Variants in ERP27 observed in about 807,000 individuals in gnomAD.
ERP27 encodes endoplasmic reticulum protein 27.
A neutral mutation model predicts 27.7 loss-of-function variants in ERP27; 23 were observed. The ratio of observed to expected loss-of-function variants is 0.83; its 90% CI spans 0.60 to 1.18. The LOEUF is 1.18. Ranked by LOEUF, ERP27 falls within the 50% of genes most tolerant of loss-of-function variation. The pLI is 0.00. For synonymous variants in ERP27, 159 were observed against 118.3 expected (o/e 1.34, Z -2.23); for missense variants, 363 against 327.9 (o/e 1.11, Z -0.83).
intron 4 of ERP27, 48 bp from the exon 5 acceptor site, chr12:14,917,351 C>T: frequency 6.2e-7 from 1 of 1,612,752 alleles, no homozygotes; most frequent in Non-Finnish European, 8.5e-7. Flanking sequence ...AGAAAGAATG[C>T]ATTAGTACCT....
chr12:14,917,375 T>C, intron 4 of ERP27, 72 bp from the exon 5 acceptor site: 5 of 1,570,888 alleles, frequency 3.2e-6, no homozygotes, highest in African/African-American at 1.3e-5. Context: ...AAGGAGTGAA[T>C]AGGTAGATTG....
chr12:14,931,363 CAAAAAA>C (rs60215173), intron 3 of ERP27, among the ~76,000 whole-genome samples: 5 of 129,466 alleles, frequency 3.9e-5, no homozygotes, highest in Admixed American at 2.3e-4. Flanking sequence ...GTTCCCTTTT[CAAAAAA>C]AAAAAAAAAA....
intron 3 of ERP27, among the ~76,000 whole-genome samples, chr12:14,927,779 TACAC>T (rs1863629071): frequency 7.0e-6 from 1 of 142,982 alleles, no homozygotes; most frequent in Non-Finnish European, 1.5e-5. Flanking sequence ...CACACACACT[TACAC>T]ACACATTCAT....
chr12:14,935,277 T>C (rs528372676), intron 2 of ERP27: 13 of 402,320 alleles, frequency 3.2e-5, no homozygotes, highest in Admixed American at 2.6e-4. Flanking sequence ...GAGAGAGGCC[T>C]CAAAATCATA....
At chr12:14,923,055 C>T (rs1182066570) in intron 3 of ERP27, among the ~76,000 whole-genome samples, 5 of 132,922 alleles carry the variant, frequency 3.8e-5, no homozygotes, top group African/African-American at 1.5e-4. Context: ...GCCTGGGTGG[C>T]AGAGTGGAAC....
rs1045230386 is a variant in ERP27, at chr12:14,917,194, T to G, written c.560A>C (p.Lys187Thr). The change falls in exon 5 of 7, where the codon AAG becomes ACG. Residue 187 changes from lysine to threonine, a missense_variant. Physicochemically the swap from Lys to Thr is moderately conservative, Grantham distance 78. Transcript: ENST00000266397. ...TTGCCTTACCTTCCCCTGGAAGAGC[T>G]TGGCTGCCTTCTGGTATCTGTGCAT... ...ENMHRYQKAAKLFQGKILFIL... is the reference protein window; with the variant it reads ...ENMHRYQKAATLFQGKILFIL... 6.2e-7 allele frequency: 1 copy of G among 1,614,172 alleles called. No homozygotes were observed. Among genetic ancestry groups the G allele is most frequent in the Admixed American group, 1.7e-5 (1 of 60,022 alleles).
intron 3 of ERP27, among the ~76,000 whole-genome samples, chr12:14,930,358 A>G (rs2043476251): frequency 6.6e-6 from 1 of 152,244 alleles, no homozygotes; most frequent in Admixed American, 6.5e-5. Context: ...GGATGACTGC[A>G]CTGTGTTTTC....
At chr12:14,920,075 T>G (rs925687350) in intron 4 of ERP27, among the ~76,000 whole-genome samples, 1 of 152,354 alleles carries the variant, frequency 6.6e-6, no homozygotes, top group South Asian at 2.1e-4. Flanking sequence ...TTTGAGCTGA[T>G]GTAGATCACT....
intron 5 of ERP27, among the ~76,000 whole-genome samples, chr12:14,916,720 T>C (rs1446069573): frequency 1.3e-5 from 2 of 152,082 alleles, no homozygotes; most frequent in East Asian, 1.9e-4. Flanking sequence ...GTTTTACTAT[T>C]TCAGTAATAT....
At chr12:14,918,079 G>A (rs747492883) in intron 4 of ERP27, among the ~76,000 whole-genome samples, 5 of 152,180 alleles carry the variant, frequency 3.3e-5, no homozygotes, top group Non-Finnish European at 7.3e-5. Flanking sequence ...TGTTCATTAC[G>A]TGGAAGGCAC....
chr12:14,924,467 A>G (rs1246624152), intron 3 of ERP27, among the ~76,000 whole-genome samples: 1 of 152,200 alleles, frequency 6.6e-6, no homozygotes, highest in Non-Finnish European at 1.5e-5. Flanking sequence ...TGTTTTCCAT[A>G]ATGGCTATAC....
chr12:14,922,525 C>CTTTGTTGGTTCTATAATATATATATT (rs1863520930), intron 3 of ERP27, among the ~76,000 whole-genome samples: 2 of 151,712 alleles, frequency 1.3e-5, no homozygotes, highest in Non-Finnish European at 2.9e-5. Flanking sequence ...GATATGAGTC[C>CTTTGTTGGTTCTATAATATATATATT]TTTGTTGGTT....
At chr12:14,935,061 A>G in intron 2 of ERP27, 68 bp from the exon 3 acceptor site, 1 of 1,557,960 alleles carries the variant, frequency 6.4e-7, no homozygotes, top group Non-Finnish European at 8.7e-7. Flanking sequence ...GATAGGCAAA[A>G]GAAATATGAT....
At chr12:14,933,183 C>T (rs1863722256) in intron 3 of ERP27, among the ~76,000 whole-genome samples, 1 of 152,138 alleles carries the variant, frequency 6.6e-6, no homozygotes, top group Admixed American at 6.5e-5. Flanking sequence ...TGTGGATACA[C>T]TGAACAGAAC....
At chr12:14,923,500 T>TATCC (rs1371069577) in intron 3 of ERP27, among the ~76,000 whole-genome samples, 1 of 150,662 alleles carries the variant, frequency 6.6e-6, no homozygotes, top group Non-Finnish European at 1.5e-5. Context: ...TCAATCTATC[T>TATCC]ATCTATCTAT....
In ERP27 at chr12:14,915,473, G is replaced by C; in HGVS notation, c.774+16C>G. On this transcript the variant is annotated intron_variant, in intron 6 of 6. Transcript: ENST00000266397. ...AGAAAGAAAACAATTTGCTTTACCT[G>C]CAGTCTCACACTTACCAACAATTTT... 6.2e-7 allele frequency: 1 copy of C among 1,607,718 alleles called. No homozygotes were observed. The highest frequency in any genetic ancestry group is 1.7e-5 in the Admixed American group (1 of 59,726).
chr12:14,920,822 TG>T (rs1863490063), intron 4 of ERP27, 109 bp downstream of exon 4: 1 of 779,002 alleles, frequency 1.3e-6, no homozygotes, highest in South Asian at 1.6e-5. Context: ...AATACAGTAT[TG>T]TATTGGTCGA....
chr12:14,918,186 A>T (rs893205348), intron 4 of ERP27, among the ~76,000 whole-genome samples: 6 of 152,234 alleles, frequency 3.9e-5, no homozygotes, highest in Middle Eastern at 3.2e-3. Context: ...ATTCTCCAAG[A>T]GTCAAATAAA....
chr12:14,916,547 T>A (rs942532359), intron 5 of ERP27, among the ~76,000 whole-genome samples: 2 of 152,202 alleles, frequency 1.3e-5, no homozygotes, highest in African/African-American at 4.8e-5. Context: ...AAAGTAGAAA[T>A]CTTCTTTATA....
Sources: allele counts gnomAD v4.1 joint callset (sites outside exome capture counted in the v4.1 genomes callset), GRCh38; gene constraint gnomAD v4.1.1; transcripts MANE v1.5; gene names NCBI Gene and HGNC (gene_info 2026-07-23, HGNC 2026-07-21).